ATRNL1: variants seen among roughly 807,000 people sequenced by gnomAD.
The protein encoded by ATRNL1 is attractin like 1, also known as attractin-like protein 1.
In ATRNL1, 95 loss-of-function variants were observed where a neutral mutation model predicts 182.7. The ratio of observed to expected loss-of-function variants is 0.52; its 90% CI spans 0.44 to 0.62. The LOEUF is 0.62. Ranked by LOEUF, ATRNL1 falls within the 20% of genes least tolerant of loss-of-function variation. ATRNL1 has a pLI of 0.00. For missense variants in ATRNL1, 1,471 were observed against 1,679.5 expected (o/e 0.88, Z 2.17); for synonymous variants, 576 against 568.3 (o/e 1.01, Z -0.19).
chr10:115,192,064 T>C (rs1848189695), intron 8 of ATRNL1, among the ~76,000 whole-genome samples: 1 of 152,102 alleles, frequency 6.6e-6, no homozygotes, highest in African/African-American at 2.4e-5. Flanking sequence ...ACTGTGTTGA[T>C]TGTTTCCTTT....
At chr10:115,882,088 C>T (rs547304324) in intron 28 of ATRNL1, among the ~76,000 whole-genome samples, 1 of 152,302 alleles carries the variant, frequency 6.6e-6, no homozygotes, top group East Asian at 1.9e-4. Flanking sequence ...ATCTCCAACA[C>T]CATCAGACTG....
chr10:115,193,041 A>G (rs186781133), intron 8 of ATRNL1, among the ~76,000 whole-genome samples: 29 of 152,036 alleles, frequency 1.9e-4, no homozygotes, highest in African/African-American at 7.0e-4. Flanking sequence ...CTTTCTTTCT[A>G]TTTAGGATGT....
chr10:115,414,009 A>G lies in ATRNL1; in HGVS notation c.3270-12241A>G, dbSNP rs115405410. On this transcript the variant is annotated intron_variant, in intron 20 of 28. Transcript: ENST00000355044. Reference sequence around the variant, plus strand: ...TTAGAAAGCATTTCTTCATACCAAAACTTCCAATTCGGATCTATTTCTGCA... The same window carrying G: ...TTAGAAAGCATTTCTTCATACCAAAGCTTCCAATTCGGATCTATTTCTGCA... Among the ~76,000 whole-genome samples the G allele has an allele frequency of 6.5e-3, 990 of 152,176 alleles. 16 individuals are homozygous for G. The highest frequency in any genetic ancestry group is 0.022 in the African/African-American group (927 of 41,534).
intron 28 of ATRNL1, among the ~76,000 whole-genome samples, chr10:115,869,108 C>T (rs1467627998): frequency 9.2e-5 from 14 of 152,178 alleles, no homozygotes; most frequent in South Asian, 2.1e-4. Flanking sequence ...GGATTACAGG[C>T]GTGAGCCACC....
intron 26 of ATRNL1, among the ~76,000 whole-genome samples, chr10:115,577,326 A>T (rs964825357): frequency 2.0e-5 from 3 of 151,852 alleles, no homozygotes; most frequent in African/African-American, 4.8e-5. Context: ...TAGTATGGAT[A>T]GTTTGACAGT....
chr10:115,163,706 T>G (rs1283830892), intron 6 of ATRNL1, among the ~76,000 whole-genome samples: 1 of 152,144 alleles, frequency 6.6e-6, no homozygotes, highest in Non-Finnish European at 1.5e-5. Context: ...AAATGAAGAA[T>G]ATGTGAGACC....
At chr10:115,910,906 C>T (rs1330468369) in intron 28 of ATRNL1, among the ~76,000 whole-genome samples, 5 of 152,122 alleles carry the variant, frequency 3.3e-5, no homozygotes, top group South Asian at 4.2e-4. Flanking sequence ...ACTGACATTT[C>T]GTTTTTTGCT....
At chr10:115,580,899 T>TTA (rs1555007096) in intron 26 of ATRNL1, among the ~76,000 whole-genome samples, 1 of 152,176 alleles carries the variant, frequency 6.6e-6, no homozygotes, top group Non-Finnish European at 1.5e-5. Context: ...TTGATGCATT[T>TTA]TAATATTTTC....
chr10:115,569,540 G>A (rs1854270319), intron 26 of ATRNL1, among the ~76,000 whole-genome samples: 1 of 152,142 alleles, frequency 6.6e-6, no homozygotes, highest in African/African-American at 2.4e-5. Context: ...ATGTTTTAAA[G>A]TGGTTCTGAT....
At chr10:115,898,553 G>A (rs1952266752) in intron 28 of ATRNL1, among the ~76,000 whole-genome samples, 2 of 152,170 alleles carry the variant, frequency 1.3e-5, no homozygotes, top group African/African-American at 4.8e-5. Flanking sequence ...GCCCGTTAAT[G>A]TGGGGCCAAG....
chr10:115,330,550 C>T (rs911061084), intron 18 of ATRNL1, among the ~76,000 whole-genome samples: 27 of 151,954 alleles, frequency 1.8e-4, no homozygotes, highest in Middle Eastern at 3.4e-3. Flanking sequence ...TTGCTCTATA[C>T]GGTATTCTTG....
At chr10:115,174,043 G>T (rs1414556599) in intron 8 of ATRNL1, among the ~76,000 whole-genome samples, 1 of 151,332 alleles carries the variant, frequency 6.6e-6, no homozygotes, top group East Asian at 1.9e-4. Flanking sequence ...TTTTTTTGTG[G>T]GGATGGGTGT....
chr10:115,388,098 G>T (rs1843763146), intron 19 of ATRNL1, among the ~76,000 whole-genome samples: 1 of 152,158 alleles, frequency 6.6e-6, no homozygotes, highest in Non-Finnish European at 1.5e-5. Context: ...TAGTATCAAG[G>T]CATAAGCCTG....
chr10:115,376,094 T>G (rs2134214067), intron 19 of ATRNL1, among the ~76,000 whole-genome samples: 1 of 152,276 alleles, frequency 6.6e-6, no homozygotes, highest in East Asian at 1.9e-4. Flanking sequence ...GAAGGACACC[T>G]TTGCTGATGT....
intron 28 of ATRNL1, among the ~76,000 whole-genome samples, chr10:115,944,308 A>G (rs1012452783): frequency 1.3e-5 from 2 of 150,646 alleles, no homozygotes; most frequent in African/African-American, 2.4e-5. Flanking sequence ...AAAAAATAGT[A>G]ACATTTAAAA....
chr10:115,223,786 G>T (rs1849565020), intron 9 of ATRNL1, among the ~76,000 whole-genome samples: 1 of 149,796 alleles, frequency 6.7e-6, no homozygotes. Context: ...TGACCACAGT[G>T]AAATAAAAAG....
At chr10:115,420,924 A>T (rs1845622417) in intron 20 of ATRNL1, among the ~76,000 whole-genome samples, 1 of 152,184 alleles carries the variant, frequency 6.6e-6, no homozygotes. Flanking sequence ...GAGCAATGAT[A>T]GACCAATAAA....
intron 8 of ATRNL1, among the ~76,000 whole-genome samples, chr10:115,196,345 G>A (rs1848360021): frequency 6.6e-6 from 1 of 152,066 alleles, no homozygotes; most frequent in Admixed American, 6.6e-5. Flanking sequence ...ATTGATTACT[G>A]TAGCTCTCTA....
At chr10:115,863,047 C>T (rs1276064332) in intron 28 of ATRNL1, among the ~76,000 whole-genome samples, 1 of 151,998 alleles carries the variant, frequency 6.6e-6, no homozygotes, top group Non-Finnish European at 1.5e-5. Context: ...AAAGATAAGT[C>T]AGAAACCAAC....
Sources: allele counts gnomAD v4.1 joint callset (sites outside exome capture counted in the v4.1 genomes callset), GRCh38; gene constraint gnomAD v4.1.1; transcripts MANE v1.5; gene names NCBI Gene and HGNC (gene_info 2026-07-23, HGNC 2026-07-21).